The following CADPS2 variants were observed in gnomAD, a reference collection of about 807,000 sequenced individuals.
The protein encoded by CADPS2 is calcium-dependent secretion activator 2.
CADPS2 carries 93 observed loss-of-function variants against 172.5 expected under a neutral mutation model. That is an observed-to-expected ratio of 0.54 (90% CI 0.46 to 0.64). CADPS2 has a LOEUF of 0.64. Among genes scored for constraint, CADPS2 ranks in the 30% least tolerant of loss-of-function variants. CADPS2 has a pLI of 0.00. For missense variants in CADPS2, 1,420 were observed against 1,565.9 expected, an observed-to-expected ratio of 0.91 and a Z score of 1.57; for synonymous variants, 546 against 555.2, an observed-to-expected ratio of 0.98 and a Z score of 0.23.
At chr7:122,493,800 T>C (rs2058513774) in intron 9 of CADPS2, among the ~76,000 whole-genome samples, 1 of 150,518 alleles carries the variant, frequency 6.6e-6, no homozygotes, top group Admixed American at 6.7e-5. Context: ...CCTATCACAA[T>C]AGGACTGAGA....
chr7:122,705,173 T>C (rs2086792583), intron 2 of CADPS2, among the ~76,000 whole-genome samples: 1 of 151,724 alleles, frequency 6.6e-6, no homozygotes, highest in Admixed American at 6.6e-5. Context: ...ACAAGTTACC[T>C]TTTAGTCCAT....
chr7:122,620,987 C>T (rs1281277765), intron 5 of CADPS2, among the ~76,000 whole-genome samples: 7 of 151,986 alleles, frequency 4.6e-5, no homozygotes, highest in Non-Finnish European at 1.0e-4. Flanking sequence ...ATTCCATGTA[C>T]CCTCAACCTC....
chr7:122,564,516 C>T (rs923255538), intron 7 of CADPS2, among the ~76,000 whole-genome samples: 2 of 152,008 alleles, frequency 1.3e-5, no homozygotes, highest in African/African-American at 2.4e-5. Flanking sequence ...ACCATACTGG[C>T]CAGGCTAGTC....
At chr7:122,765,770 G>A (rs1194246069) in intron 1 of CADPS2, among the ~76,000 whole-genome samples, 1 of 151,980 alleles carries the variant, frequency 6.6e-6, no homozygotes, top group African/African-American at 2.4e-5. Context: ...AAACTATCTG[G>A]TAATTTTTAT....
Position 122,319,691 on chromosome 7 carries a change from G to T in CADPS2, c.*474C>A, listed in dbSNP as rs1584977183. 2 of 152,354 alleles carry T rather than the reference G, an allele frequency of 1.3e-5. No individual in the cohort carries two copies. The highest frequency in any genetic ancestry group is 2.9e-5 in the Non-Finnish European group (2 of 68,252). The allele number at this position is 152,354 out of a possible 1,614,324, so 9.4% of individuals were successfully genotyped here. A position where few individuals can be genotyped will look rare whatever the true frequency, so the allele number is the denominator to read the frequency against. On this transcript the variant is annotated 3_prime_UTR_variant, in exon 30 of 30. Transcript: ENST00000449022. ...GCAAATTAAGTACAAAACGAACCTG[G>T]CACATAAATTATAATTTGTAAGGTA...
intron 1 of CADPS2, among the ~76,000 whole-genome samples, chr7:122,837,933 G>T (rs922852165): frequency 6.6e-6 from 1 of 152,116 alleles, no homozygotes; most frequent in African/African-American, 2.4e-5. Context: ...ATTTTATGAG[G>T]CCAGCATCAT....
chr7:122,506,172 G>GT (rs113058752), intron 9 of CADPS2, among the ~76,000 whole-genome samples: 5,834 of 152,226 alleles, frequency 0.038, 165 homozygotes, highest in African/African-American at 0.064. Context: ...ACAACAGGTG[G>GT]TTTGACCTAT....
At chr7:122,625,439 T>C (rs2075996463) in intron 4 of CADPS2, among the ~76,000 whole-genome samples, 1 of 152,204 alleles carries the variant, frequency 6.6e-6, no homozygotes, top group Non-Finnish European at 1.5e-5. Context: ...AGATATTCTT[T>C]AGACGTGAAT....
At chr7:122,391,765 A>G (rs1200969118) in intron 22 of CADPS2, among the ~76,000 whole-genome samples, 2 of 152,010 alleles carry the variant, frequency 1.3e-5, no homozygotes, top group Non-Finnish European at 2.9e-5. Flanking sequence ...TCTTTTCTTG[A>G]TTGTGTGCAT....
intron 1 of CADPS2, among the ~76,000 whole-genome samples, chr7:122,827,283 T>G (rs752609840): frequency 6.6e-6 from 1 of 152,148 alleles, no homozygotes; most frequent in African/African-American, 2.4e-5. Context: ...AAATTTAAAA[T>G]TGTGATTTAA....
intron 25 of CADPS2, among the ~76,000 whole-genome samples, chr7:122,375,208 A>G (rs1383163184): frequency 2.6e-5 from 4 of 151,960 alleles, no homozygotes; most frequent in East Asian, 1.9e-4. Flanking sequence ...CCAATCCTAA[A>G]ATTCATCTGG....
chr7:122,841,364 A>G (rs1411935009), intron 1 of CADPS2, among the ~76,000 whole-genome samples: 2 of 152,008 alleles, frequency 1.3e-5, no homozygotes, highest in Non-Finnish European at 2.9e-5. Context: ...GGAGCCCCAG[A>G]AAAAAAACTA....
Position 122,471,425 on chromosome 7 carries a change from G to C in CADPS2, c.2136C>G (p.Thr712=). 1.2e-6 allele frequency: 2 copies of C among 1,613,510 alleles called. No homozygotes were observed. The highest frequency in any genetic ancestry group is 1.7e-6 in the Non-Finnish European group (2 of 1,179,702). Residue 712 remains threonine (T), a synonymous_variant, in exon 14 of 30, where the codon ACC becomes ACG. Coordinates refer to ENST00000449022, the MANE Select transcript of CADPS2 (RefSeq NM_017954.11). ...AGAATGCAAAGCTGTAATGGAGCAG[G>C]GTAGGGTCAATGACAGCACCATTTT... The part of the protein sequence containing the change: ...HSENGAVIDP[T]LLHYSFAFCA...
At chr7:122,701,724 G>A in intron 2 of CADPS2, 1 of 679,590 alleles carries the variant, frequency 1.5e-6, no homozygotes, top group Non-Finnish European at 2.5e-6. Context: ...GTTCATACTT[G>A]GGTAGAGAAG....
chr7:122,704,337 G>A (rs919383567), intron 2 of CADPS2, among the ~76,000 whole-genome samples: 1 of 151,442 alleles, frequency 6.6e-6, no homozygotes, highest in Non-Finnish European at 1.5e-5. Context: ...CACCTGAACT[G>A]TCCTTACAGG....
chr7:122,374,452 A>G lies in CADPS2; in HGVS notation c.3387+4916T>C, dbSNP rs560395521. ...TAAAATAAATAAGTAAAGAAGAAAA[A>G]GAAAAGAAATACAAGGCATGCAAAT... On this transcript the variant is annotated intron_variant, in intron 25 of 29. Coordinates refer to ENST00000449022, the MANE Select transcript of CADPS2 (RefSeq NM_017954.11). 4.6e-5 allele frequency among the ~76,000 whole-genome samples: 7 copies of G among 152,246 alleles called. No individual in the cohort carries two copies. In the South Asian group the frequency reaches 1.0e-3, roughly 23 times the overall value.
intron 2 of CADPS2, among the ~76,000 whole-genome samples, chr7:122,699,693 T>C (rs919884737): frequency 2.0e-5 from 3 of 152,134 alleles, no homozygotes; most frequent in Non-Finnish European, 4.4e-5. Context: ...CTGTCTTACA[T>C]TGACTGTACA....
intron 27 of CADPS2, among the ~76,000 whole-genome samples, chr7:122,356,147 A>G (rs1213999291): frequency 6.6e-6 from 1 of 151,986 alleles, no homozygotes; most frequent in African/African-American, 2.4e-5. Context: ...CTCTTCCATG[A>G]TATCATTCAG....
At chr7:122,459,829 C>A (rs2054236144) in intron 14 of CADPS2, among the ~76,000 whole-genome samples, 1 of 152,130 alleles carries the variant, frequency 6.6e-6, no homozygotes, top group Non-Finnish European at 1.5e-5. Flanking sequence ...AATGTAAGCA[C>A]AACAGAAATG....
Sources: allele counts gnomAD v4.1 joint callset (sites outside exome capture counted in the v4.1 genomes callset), GRCh38; gene constraint gnomAD v4.1.1; transcripts MANE v1.5; gene names NCBI Gene and HGNC (gene_info 2026-07-23, HGNC 2026-07-21).